The following TNS3 variants were observed in gnomAD, a reference collection of about 807,000 sequenced individuals.
TNS3 encodes tensin 3, also known as tensin-3.
In TNS3, 45 loss-of-function variants were observed where a neutral mutation model predicts 140.9. The observed-to-expected ratio is 0.32, with a 90% confidence interval of 0.25 to 0.41. The LOEUF is 0.41. Ranked by LOEUF, TNS3 falls within the 10% of genes least tolerant of loss-of-function variation. The pLI is 1.00. For synonymous variants in TNS3, 815 were observed against 788.4 expected (o/e 1.03, Z -0.56); for missense variants, 1,716 against 1,906.7 (o/e 0.90, Z 1.86).
chr7:47,323,892 G>A (rs892580815), intron 20 of TNS3, among the ~76,000 whole-genome samples: 1 of 152,116 alleles, frequency 6.6e-6, no homozygotes, highest in Non-Finnish European at 1.5e-5. Flanking sequence ...CCACAGTAAG[G>A]CAGGAAAAGA....
chr7:47,483,511 TAC>T (rs1295344230), intron 3 of TNS3, among the ~76,000 whole-genome samples: 1 of 152,198 alleles, frequency 6.6e-6, no homozygotes, highest in African/African-American at 2.4e-5. Flanking sequence ...CTCTTAAAAA[TAC>T]AGTCTATAAT....
Position 47,350,618 on chromosome 7 carries a change from T to C in TNS3, c.2282-4262A>G, listed in dbSNP as rs959448253. ...CCCATGTCCTGTCACCAGCAGTAGA[T>C]GCTCACTCAGAGGCCAGCCCAGGGG... On this transcript the variant is annotated intron_variant, in intron 17 of 30. Coordinates refer to ENST00000311160, the MANE Select transcript of TNS3 (RefSeq NM_022748.12). Among the ~76,000 whole-genome samples the C allele has an allele frequency of 3.9e-5, 6 of 152,218 alleles. No individual in the cohort carries two copies. The East Asian group carries it at 1.2e-3, about 29-fold the overall frequency.
chr7:47,348,027 G>A lies in TNS3; in HGVS notation c.2282-1671C>T, dbSNP rs144015308. ...TCACACTCACCACCCTCCACAGGAC[G>A]CAAGTGCTGCAGGCCAGGGAGGGGA... On this transcript the variant is annotated intron_variant, in intron 17 of 30. Coordinates refer to ENST00000311160, the MANE Select transcript of TNS3 (RefSeq NM_022748.12). 7.0e-3 allele frequency among the ~76,000 whole-genome samples: 1,069 copies of A among 152,292 alleles called. 6 individuals carry two copies. Among genetic ancestry groups the A allele is most frequent in the African/African-American group, 0.021 (857 of 41,550 alleles).
chr7:47,429,616 C>G (rs1245640698), intron 8 of TNS3, among the ~76,000 whole-genome samples: 2 of 152,180 alleles, frequency 1.3e-5, no homozygotes, highest in Non-Finnish European at 2.9e-5. Flanking sequence ...ATCCACCAGC[C>G]TCGGCCTCCC....
intron 5 of TNS3, among the ~76,000 whole-genome samples, chr7:47,440,712 A>G (rs1795424600): frequency 6.6e-6 from 1 of 152,086 alleles, no homozygotes; most frequent in Non-Finnish European, 1.5e-5. Context: ...GAGGTGGAAA[A>G]GGTTCCAGGG....
chr7:47,296,781 G>T (rs1376576874), intron 24 of TNS3, among the ~76,000 whole-genome samples: 1 of 152,098 alleles, frequency 6.6e-6, no homozygotes, highest in South Asian at 2.1e-4. Flanking sequence ...TGACAGGGTG[G>T]TGAGGGGGGT....
rs145369211 is a variant in TNS3, at chr7:47,343,228, G to A, written c.2650+1527C>T. On this transcript the variant is annotated intron_variant, in intron 20 of 30. Coordinates refer to ENST00000311160, the MANE Select transcript of TNS3 (RefSeq NM_022748.12). ...AGCTCATCTCCAGGCTGGGACAATC[G>A]GGCCAGCATAAGACAGCCAGGCCAC... Among the ~76,000 whole-genome samples the A allele has an allele frequency of 1.0e-3, 157 of 152,266 alleles. 1 individual carries two copies. Among genetic ancestry groups the A allele is most frequent in the African/African-American group, 3.4e-3 (143 of 41,558 alleles).
intron 4 of TNS3, among the ~76,000 whole-genome samples, chr7:47,468,845 A>C (rs1392298641): frequency 6.6e-6 from 1 of 152,242 alleles, no homozygotes; most frequent in Non-Finnish European, 1.5e-5. Context: ...AAACTATACT[A>C]CAAGGCTAAT....
Position 47,337,872 on chromosome 7 carries a change from T to C in TNS3, c.2650+6883A>G, listed in dbSNP as rs542082751. On this transcript the variant is annotated intron_variant, in intron 20 of 30. Transcript: ENST00000311160. ...TGGCTACTCCATTCCCCTTCTACTCTTGCCCCTCCCAACCATTAGCAGACA... is the reference window on the plus strand; with the variant it reads ...TGGCTACTCCATTCCCCTTCTACTCCTGCCCCTCCCAACCATTAGCAGACA... 1.1e-3 allele frequency among the ~76,000 whole-genome samples: 175 copies of C among 152,328 alleles called. 1 individual carries two copies. The highest frequency in any genetic ancestry group is 3.4e-3 in the Middle Eastern group (1 of 292).
At chr7:47,524,808 CAAGAAAAAAAAAA>C (rs1216219322) in intron 2 of TNS3, among the ~76,000 whole-genome samples, 731 of 25,288 alleles carry the variant, frequency 0.029, 36 homozygotes, top group African/African-American at 0.059. Context: ...GACTCCGTCT[CAAGAAAAAAAAAA>C]AAAAAAAAAA....
At chr7:47,540,724 G>A (rs1799760828) in intron 1 of TNS3, among the ~76,000 whole-genome samples, 1 of 152,202 alleles carries the variant, frequency 6.6e-6, no homozygotes, top group Non-Finnish European at 1.5e-5. Flanking sequence ...TTCCAGACAG[G>A]AAAAGAGGTG....
chr7:47,386,294 C>T (rs1055151413), intron 16 of TNS3, among the ~76,000 whole-genome samples: 4 of 152,198 alleles, frequency 2.6e-5, no homozygotes, highest in Admixed American at 2.0e-4. Flanking sequence ...CAGGTGCAGG[C>T]GGAGCGCACA....
At chr7:47,284,173 C>A (rs1339715140) in intron 27 of TNS3, among the ~76,000 whole-genome samples, 3 of 152,186 alleles carry the variant, frequency 2.0e-5, no homozygotes, top group Non-Finnish European at 4.4e-5. Flanking sequence ...CGCCCTGCAG[C>A]AGTATTAAAC....
chr7:47,426,352 T>A (rs1203461036), intron 9 of TNS3, among the ~76,000 whole-genome samples: 3 of 152,156 alleles, frequency 2.0e-5, no homozygotes, highest in Non-Finnish European at 4.4e-5. Context: ...ATACATAACA[T>A]ATCCATTGAA....
chr7:47,305,882 A>G (rs1392658774), intron 20 of TNS3, among the ~76,000 whole-genome samples: 1 of 152,200 alleles, frequency 6.6e-6, no homozygotes, highest in Non-Finnish European at 1.5e-5. Context: ...CTGTTTCAAA[A>G]CTAATGAGGA....
At chr7:47,385,432 A>G (rs1792017965) in intron 16 of TNS3, among the ~76,000 whole-genome samples, 2 of 152,174 alleles carry the variant, frequency 1.3e-5, no homozygotes, top group South Asian at 4.1e-4. Flanking sequence ...TGGCCTCTGC[A>G]CGGAGCTGTG....
intron 24 of TNS3, among the ~76,000 whole-genome samples, chr7:47,296,581 C>T (rs998647034): frequency 6.6e-6 from 1 of 152,206 alleles, no homozygotes; most frequent in African/African-American, 2.4e-5. Context: ...CATTAGAGAT[C>T]ATCTCATGAG....
In TNS3 at chr7:47,407,578, T is replaced by C. The variant is rs1329853972; in HGVS notation, c.723+4149A>G. ...AACTTTCTAGGAGAGGTTTATTTAA[T>C]AAACAGACTTGTTACAGGCTGAATG... On this transcript the variant is annotated intron_variant, in intron 13 of 30. Transcript: ENST00000311160. This position sits in a 1 kb window ranked among gnomAD's most constrained non-coding sequence, Gnocchi z 4.1. Among the ~76,000 whole-genome samples, 1 of 152,228 alleles carries C rather than the reference T, an allele frequency of 6.6e-6. No individual in the cohort carries two copies. The highest frequency in any genetic ancestry group is 1.5e-5 in the Non-Finnish European group (1 of 68,032).
At chr7:47,484,878 A>C (rs1406109446) in intron 3 of TNS3, among the ~76,000 whole-genome samples, 6 of 152,112 alleles carry the variant, frequency 3.9e-5, no homozygotes, top group African/African-American at 1.2e-4. Flanking sequence ...GTCGGGGCCA[A>C]CTCCAGGTGG....
Sources: gnomAD v4.1 joint callset for allele counts (sites outside exome capture counted in the v4.1 genomes callset) on GRCh38, gnomAD v4.1.1 for gene constraint, Gnocchi (gnomAD v3.1) non-coding constraint, MANE v1.5 for transcripts, NCBI Gene and HGNC (gene_info 2026-07-23, HGNC 2026-07-21) for gene names.